Variants in AKAP13 observed in about 807,000 individuals in gnomAD.
AKAP13 encodes A-kinase anchor protein 13.
AKAP13 carries 80 observed loss-of-function variants against 264.5 expected under a neutral mutation model. The ratio of observed to expected loss-of-function variants is 0.30; its 90% CI spans 0.25 to 0.36. The LOEUF is 0.36. Among genes scored for constraint, AKAP13 ranks in the 10% least tolerant of loss-of-function variants. The pLI is 1.00. For synonymous variants in AKAP13, 1,380 were observed against 1,250.2 expected (o/e 1.10, Z -2.19); for missense variants, 3,712 against 3,435.2 (o/e 1.08, Z -2.01).
chr15:85,470,601 G>A (rs1005420937), intron 1 of AKAP13, among the ~76,000 whole-genome samples: 8 of 152,110 alleles, frequency 5.3e-5, no homozygotes, highest in African/African-American at 1.9e-4. Context: ...GCTCACGATC[G>A]GTCTTTTTAA....
chr15:85,664,865 A>G (rs1461609757), intron 13 of AKAP13, 110 bp downstream of exon 13: 1 of 1,019,716 alleles, frequency 9.8e-7, no homozygotes, highest in African/African-American at 1.6e-5. Context: ...CTTACCCATT[A>G]TATGATATAC....
intron 2 of AKAP13, among the ~76,000 whole-genome samples, chr15:85,495,142 T>G (rs919656886): frequency 6.6e-6 from 1 of 152,232 alleles, no homozygotes; most frequent in Non-Finnish European, 1.5e-5. Context: ...ACTTAGAGAT[T>G]CCTCAAGAGG....
intron 1 of AKAP13, among the ~76,000 whole-genome samples, chr15:85,475,965 G>A (rs980338400): frequency 4.6e-5 from 7 of 152,266 alleles, no homozygotes; most frequent in Non-Finnish European, 8.8e-5. Flanking sequence ...GGAGACATCT[G>A]CAATGCAGTA....
rs150226696 is a variant in AKAP13, at chr15:85,730,195, G to A, written c.7088-318G>A. 4.8e-3 allele frequency among the ~76,000 whole-genome samples: 732 copies of A among 152,320 alleles called. 2 individuals are homozygous for A. The highest frequency in any genetic ancestry group is 8.0e-3 in the Non-Finnish European group (543 of 68,026). On this transcript the variant is annotated intron_variant, in intron 29 of 36. Coordinates refer to ENST00000394518, the MANE Select transcript of AKAP13 (RefSeq NM_007200.5). ...TCAGTCATGAAGTTGAGCTGGGAAA[G>A]CAGTTGCAGAGTGGACAGAAGCTAG...
chr15:85,467,511 A>G (rs549727799), intron 1 of AKAP13, among the ~76,000 whole-genome samples: 40 of 152,104 alleles, frequency 2.6e-4, no homozygotes, highest in Non-Finnish European at 4.3e-4. Context: ...GTCATCCCTA[A>G]TGTATTGTCA....
At chr15:85,723,411 T>C (rs963645817) in intron 26 of AKAP13, 91 bp downstream of exon 26, 2 of 1,542,192 alleles carry the variant, frequency 1.3e-6, no homozygotes, top group Non-Finnish European at 1.7e-6. Flanking sequence ...ACCAGATTTT[T>C]TTCCCAGAGA....
Position 85,645,818 on chromosome 15 carries a change from A to G in AKAP13, c.4238A>G (p.Glu1413Gly). 2 of 1,582,478 alleles carry G rather than the reference A, an allele frequency of 1.3e-6. No individual in the cohort carries two copies. The highest frequency in any genetic ancestry group is 1.7e-6 in the Non-Finnish European group (2 of 1,170,732). Reference sequence around the variant, plus strand: ...TTGGTGAATAAATTCTCTTTTTCAGAATGTGAGAACTTCCTGGATGTTGGA... The same window carrying G: ...TTGGTGAATAAATTCTCTTTTTCAGGATGTGAGAACTTCCTGGATGTTGGA... ...ASLLASKQSP[E>G]CENFLDVGLG... The change falls in exon 10 of 37, where the codon GAA (glutamate) becomes GGA (glycine). Residue 1413 changes from glutamate (E) to glycine (G), a missense_variant and splice_region_variant. Glu to Gly is a moderately conservative substitution (Grantham distance 98). Around this residue, in one of 3 missense-constraint regions of AKAP13, gnomAD observed 2,759 missense variants for 2,411.7 expected, o/e 1.14. Coordinates refer to ENST00000394518, the MANE Select transcript of AKAP13 (RefSeq NM_007200.5).
At chr15:85,566,708 C>G (rs1399566450) in intron 5 of AKAP13, among the ~76,000 whole-genome samples, 4 of 150,002 alleles carry the variant, frequency 2.7e-5, no homozygotes, top group Non-Finnish European at 4.4e-5. Context: ...CTCACTGCAA[C>G]CTCTGCCTCT....
At chr15:85,532,801 G>C (rs985013194) in intron 3 of AKAP13, among the ~76,000 whole-genome samples, 3 of 152,206 alleles carry the variant, frequency 2.0e-5, no homozygotes, top group Non-Finnish European at 2.9e-5. Flanking sequence ...GTGGCATGCA[G>C]TTTTCTGCCT....
intron 2 of AKAP13, among the ~76,000 whole-genome samples, chr15:85,516,396 G>T (rs578249762): frequency 6.6e-6 from 1 of 152,204 alleles, no homozygotes; most frequent in Non-Finnish European, 1.5e-5. Flanking sequence ...ACACAGGCAG[G>T]TTGGTGTCAG....
At chr15:85,420,840 T>C (rs2072487927) in intron 1 of AKAP13, among the ~76,000 whole-genome samples, 1 of 152,134 alleles carries the variant, frequency 6.6e-6, no homozygotes, top group South Asian at 2.1e-4. Flanking sequence ...ATGAGAATAC[T>C]TAACAGGCTG....
chr15:85,663,265 G>C (rs550742397), intron 12 of AKAP13, among the ~76,000 whole-genome samples: 2 of 150,546 alleles, frequency 1.3e-5, no homozygotes, highest in African/African-American at 4.9e-5. Context: ...AGCCAAGGTC[G>C]TGCCACTGCA....
chr15:85,620,056 C>G (rs1481309028), intron 8 of AKAP13: 1 of 1,535,886 alleles, frequency 6.5e-7, no homozygotes. Flanking sequence ...GATATACTTC[C>G]TGCATTTTCT....
intron 8 of AKAP13, among the ~76,000 whole-genome samples, chr15:85,600,147 A>G (rs1215370903): frequency 6.6e-6 from 1 of 152,124 alleles, no homozygotes; most frequent in Admixed American, 6.5e-5. Flanking sequence ...CAAAAGGATA[A>G]CTAAACATAA....
intron 8 of AKAP13, among the ~76,000 whole-genome samples, chr15:85,600,029 C>T (rs2079986238): frequency 1.3e-5 from 2 of 152,112 alleles, no homozygotes; most frequent in African/African-American, 4.8e-5. Flanking sequence ...TGCCTTGATC[C>T]TTCCTCTTTT....
At position 85,727,061 on chromosome 15, in the gene AKAP13, TC is replaced by T; in HGVS notation, c.6823-3del. On this transcript the variant is annotated splice_polypyrimidine_tract_variant and splice_region_variant and intron_variant, in intron 27 of 36. Coordinates refer to ENST00000394518, the MANE Select transcript of AKAP13 (RefSeq NM_007200.5). This position sits in a 1 kb window ranked among gnomAD's most constrained non-coding sequence, Gnocchi z 5.3. ...TCTTTTATTTGCCCTCTTCCCTTTT[TC>T]CAGGACCAGAAGTCAACAGTGATCT... 1 of 1,614,138 alleles carries T rather than the reference TC, an allele frequency of 6.2e-7. No individual in the cohort carries two copies. The highest frequency in any genetic ancestry group is 8.5e-7 in the Non-Finnish European group (1 of 1,179,976).
chr15:85,418,856 GACCACTTTA>G (rs2072371750), intron 1 of AKAP13, among the ~76,000 whole-genome samples: 1 of 152,202 alleles, frequency 6.6e-6, no homozygotes, highest in Non-Finnish European at 1.5e-5. Flanking sequence ...AAGTGGCTAA[GACCACTTTA>G]ACCACAAAAA....
chr15:85,669,028 G>A (rs1430840555), intron 13 of AKAP13, among the ~76,000 whole-genome samples: 2 of 151,978 alleles, frequency 1.3e-5, no homozygotes, highest in Non-Finnish European at 2.9e-5. Context: ...ACAAGGTCAG[G>A]AGTTCGAGAC....
chr15:85,508,697 AAAAAAG>A (rs533922453), intron 2 of AKAP13, among the ~76,000 whole-genome samples: 2 of 152,110 alleles, frequency 1.3e-5, no homozygotes, highest in African/African-American at 4.8e-5. Flanking sequence ...GCATCACACT[AAAAAAG>A]AAAAAGAAAA....
Sources: allele counts gnomAD v4.1 joint callset (sites outside exome capture counted in the v4.1 genomes callset), GRCh38; gene constraint gnomAD v4.1.1; regional missense constraint gnomAD v4.1.1; non-coding constraint Gnocchi (gnomAD v3.1); transcripts MANE v1.5; gene names NCBI Gene and HGNC (gene_info 2026-07-23, HGNC 2026-07-21).